The following NFAM1 variants were observed in gnomAD, a reference collection of about 807,000 sequenced individuals.
NFAM1 encodes NFAT activation molecule 1.
Under a neutral mutation model 29.0 loss-of-function variants are expected in NFAM1, and 17 were observed. The observed-to-expected ratio is 0.59, with a 90% CI of 0.40 to 0.88. The LOEUF (loss-of-function observed/expected upper bound fraction) is 0.88. Among genes scored for constraint, NFAM1 ranks in the 40% least tolerant of loss-of-function variants. NFAM1 has a pLI of 0.00. For missense variants in NFAM1, 324 were observed against 344.6 expected (o/e 0.94, Z 0.47); for synonymous variants, 175 against 147.2 (o/e 1.19, Z -1.36).
intron 1 of NFAM1, among the ~76,000 whole-genome samples, chr22:42,431,902 A>C (rs1172961113): frequency 6.7e-6 from 1 of 150,304 alleles, no homozygotes; most frequent in Non-Finnish European, 1.5e-5. Flanking sequence ...TCGGATGGGG[A>C]GCTGTCCCTC....
At chr22:42,431,586 C>T (rs9620048) in intron 1 of NFAM1, among the ~76,000 whole-genome samples, 4 of 152,154 alleles carry the variant, frequency 2.6e-5, no homozygotes, top group Non-Finnish European at 4.4e-5. Flanking sequence ...CAGCTTGGCT[C>T]GGATCCCGGC....
intron 4 of NFAM1, among the ~76,000 whole-genome samples, chr22:42,397,217 C>T (rs1929560239): frequency 6.6e-6 from 1 of 152,180 alleles, no homozygotes; most frequent in Admixed American, 6.5e-5. Flanking sequence ...CAGGCTGGGG[C>T]AGCCTGGCCT....
chr22:42,415,154 C>T (rs1397050685), intron 1 of NFAM1, among the ~76,000 whole-genome samples: 6 of 152,040 alleles, frequency 3.9e-5, no homozygotes, highest in African/African-American at 9.7e-5. Flanking sequence ...TCAATAACAA[C>T]GTCCAGTCTG....
chr22:42,415,639 G>C (rs1303955405), intron 1 of NFAM1, among the ~76,000 whole-genome samples: 1 of 152,082 alleles, frequency 6.6e-6, no homozygotes, highest in African/African-American at 2.4e-5. Flanking sequence ...CCCAGAGCTG[G>C]AATCCTGCAA....
At chr22:42,427,497 T>C (rs1291805318) in intron 1 of NFAM1, among the ~76,000 whole-genome samples, 1 of 152,224 alleles carries the variant, frequency 6.6e-6, no homozygotes, top group Non-Finnish European at 1.5e-5. Context: ...GGTCCCGTGC[T>C]GGGAGTCAAG....
intron 1 of NFAM1, among the ~76,000 whole-genome samples, chr22:42,428,377 AGCGGC>A (rs1930691222): frequency 6.6e-6 from 1 of 152,204 alleles, no homozygotes; most frequent in African/African-American, 2.4e-5. Context: ...AGAGGTCCGG[AGCGGC>A]GGGAAGGGAG....
In NFAM1 at chr22:42,430,099, C is replaced by T. The variant is rs80265811; in HGVS notation, c.121+2138G>A. Among the ~76,000 whole-genome samples the T allele has an allele frequency of 3.2e-3, 486 of 151,198 alleles. 4 individuals carry two copies. Among genetic ancestry groups the T allele is most frequent in the African/African-American group, 0.011 (467 of 41,086 alleles). On this transcript the variant is annotated intron_variant, in intron 1 of 5. Coordinates refer to ENST00000329021, the MANE Select transcript of NFAM1 (RefSeq NM_145912.8). The stretch of plus-strand genomic sequence containing the variant: ...GCAACACTGTGAGTCTCTATCTCTA[C>T]GAAAAAATTTAAAAAATAGCTGGGT...
chr22:42,426,036 C>T (rs1930611380), intron 1 of NFAM1, among the ~76,000 whole-genome samples: 2 of 152,148 alleles, frequency 1.3e-5, no homozygotes, highest in Non-Finnish European at 2.9e-5. Flanking sequence ...TGAGAGGATA[C>T]CCTCCAGACC....
chr22:42,418,166 C>T (rs1182928539), intron 1 of NFAM1, among the ~76,000 whole-genome samples: 4 of 152,196 alleles, frequency 2.6e-5, no homozygotes, highest in African/African-American at 9.7e-5. Context: ...CTGGAGGCAA[C>T]AGGCCTGGAT....
chr22:42,387,880 G>C (rs1341677807), intron 4 of NFAM1, among the ~76,000 whole-genome samples: 12 of 152,210 alleles, frequency 7.9e-5, no homozygotes, highest in Admixed American at 7.8e-4. Flanking sequence ...ATTGAGCTCA[G>C]CTGGGCTTGG....
chr22:42,416,173 G>A (rs1328488938), intron 1 of NFAM1, among the ~76,000 whole-genome samples: 2 of 152,184 alleles, frequency 1.3e-5, no homozygotes, highest in Admixed American at 6.5e-5. Flanking sequence ...TTGCAACCGC[G>A]TTCTGGAGCG....
upstream of NFAM1, among the ~76,000 whole-genome samples, chr22:42,434,103 A>G (rs1156432205): frequency 6.6e-6 from 1 of 151,502 alleles, no homozygotes; most frequent in Non-Finnish European, 1.5e-5. Flanking sequence ...TGCCCCCCAC[A>G]CCCCAACTCT....
chr22:42,436,757 G>T (rs536304121), upstream of NFAM1, among the ~76,000 whole-genome samples: 36 of 152,244 alleles, frequency 2.4e-4, no homozygotes, highest in Non-Finnish European at 4.6e-4. Flanking sequence ...CTGCTTCGCA[G>T]ATGAGGAAAC....
At chr22:42,395,147 C>T (rs991815527) in intron 4 of NFAM1, among the ~76,000 whole-genome samples, 4 of 150,944 alleles carry the variant, frequency 2.6e-5, no homozygotes, top group Admixed American at 6.6e-5. Context: ...GCACTCCAGC[C>T]TGAGTGACAG....
At position 42,385,179 on chromosome 22, in the gene NFAM1, C is replaced by G. The variant is rs978466158; in HGVS notation, c.795G>C (p.Leu265=). The change falls in exon 6 of 6, where the codon CTG becomes CTC. Residue 265 remains leucine, a synonymous_variant. Coordinates refer to ENST00000329021, the MANE Select transcript of NFAM1 (RefSeq NM_145912.8). ...HRFEDDGELN[L]VYENL ...GCCCATCCTAGAGATTTTCATAGAC[C>G]AGGTTAAGTTCGCCATCATCTTCGA... The G allele has an allele frequency of 1.1e-5, 18 of 1,613,574 alleles. No homozygotes were observed. Among genetic ancestry groups the G allele is most frequent in the Non-Finnish European group, 1.5e-5 (18 of 1,179,468 alleles).
intron 2 of NFAM1, among the ~76,000 whole-genome samples, chr22:42,410,964 C>T (rs912284927): frequency 3.9e-5 from 6 of 151,908 alleles, no homozygotes; most frequent in African/African-American, 1.2e-4. Flanking sequence ...AGTGGGTCTG[C>T]CTGCTTTGCC....
chr22:42,415,112 T>C (rs1930211368), intron 1 of NFAM1, among the ~76,000 whole-genome samples: 1 of 151,870 alleles, frequency 6.6e-6, no homozygotes, highest in African/African-American at 2.4e-5. Context: ...GTCCAAAAAG[T>C]AAAGAGAGGA....
intron 3 of NFAM1, among the ~76,000 whole-genome samples, chr22:42,407,130 G>A (rs1297986024): frequency 6.0e-5 from 9 of 149,284 alleles, no homozygotes. Flanking sequence ...CCCAGGGGCT[G>A]GAGTGCAGTG....
chr22:42,398,971 T>C (rs1248795678), intron 3 of NFAM1, among the ~76,000 whole-genome samples: 2 of 152,114 alleles, frequency 1.3e-5, no homozygotes, highest in East Asian at 1.9e-4. Context: ...TGTGGGTTGA[T>C]TGCCAGGCAC....
Sources: gnomAD v4.1 joint callset for allele counts (sites outside exome capture counted in the v4.1 genomes callset) on GRCh38, gnomAD v4.1.1 for gene constraint, MANE v1.5 for transcripts, NCBI Gene and HGNC (gene_info 2026-07-23, HGNC 2026-07-21) for gene names.